Variants in RPA2 observed in about 807,000 individuals in gnomAD.
RPA2 encodes the protein replication protein A2.
Under a neutral mutation model 33.4 loss-of-function variants are expected in RPA2, and 22 were observed. The observed-to-expected ratio is 0.66, with a 90% CI of 0.47 to 0.94. The LOEUF (loss-of-function observed/expected upper bound fraction) is 0.94. Among genes scored for constraint, RPA2 ranks in the 40% least tolerant of loss-of-function variants. RPA2 has a pLI of 0.00. For missense variants in RPA2, 279 were observed against 329.9 expected, an observed-to-expected ratio of 0.85 and a Z score of 1.19; for synonymous variants, 109 against 114.9, an observed-to-expected ratio of 0.95 and a Z score of 0.33.
At chr1:27,913,928 A>C (rs1267219736) in intron 2 of RPA2, 135 bp downstream of exon 2, 11 of 844,784 alleles carry the variant, frequency 1.3e-5, no homozygotes, top group Non-Finnish European at 1.9e-5. Context: ...TAATTATAAG[A>C]GATGCAGATA....
At chr1:27,900,796 C>T (rs1387380270) in intron 4 of RPA2, among the ~76,000 whole-genome samples, 2 of 152,056 alleles carry the variant, frequency 1.3e-5, no homozygotes, top group Admixed American at 1.3e-4. Context: ...TCCCGAGTAG[C>T]CAGGATTACA....
intron 8 of RPA2, 109 bp downstream of exon 8, chr1:27,893,903 C>T (rs892788801): frequency 1.0e-5 from 9 of 883,762 alleles, no homozygotes; most frequent in Non-Finnish European, 1.6e-5. Flanking sequence ...GCCACCATGC[C>T]CGGCTGCCAA....
chr1:27,896,328 T>A (rs1375330741), intron 6 of RPA2, among the ~76,000 whole-genome samples: 2 of 151,940 alleles, frequency 1.3e-5, no homozygotes, highest in Non-Finnish European at 2.9e-5. Flanking sequence ...AAGTAGCCCA[T>A]CTAATTCTTT....
chr1:27,897,727 T>C lies in RPA2; in HGVS notation c.334-20A>G, dbSNP rs1324325982. On this transcript the variant is annotated intron_variant, in intron 4 of 8. Transcript: ENST00000373912. ...GGTGTCCTAACATAAAATACAAACA[T>C]GTCATTAAAGTTTTAGTGATGCTGG... 1 of 1,550,896 alleles carries C rather than the reference T, an allele frequency of 6.4e-7. No individual in the cohort carries two copies. Among genetic ancestry groups the C allele is most frequent in the Non-Finnish European group, 8.7e-7 (1 of 1,143,538 alleles).
intron 2 of RPA2, among the ~76,000 whole-genome samples, chr1:27,911,471 A>C (rs758781461): frequency 4.5e-4 from 68 of 152,238 alleles, no homozygotes; most frequent in Non-Finnish European, 8.7e-4. Flanking sequence ...GATAAAAATT[A>C]TAATAACCAG....
intron 2 of RPA2, among the ~76,000 whole-genome samples, chr1:27,910,959 T>C (rs2090088783): frequency 6.6e-6 from 1 of 152,168 alleles, no homozygotes; most frequent in Non-Finnish European, 1.5e-5. Context: ...CTCATACCTG[T>C]AATCCCAACA....
Position 27,897,283 on chromosome 1 carries a change from A to G in RPA2, c.409-162T>C, listed in dbSNP as rs557792440. ...TCCAAATATGGTCAAACATGAGGAG[A>G]AAAAAAACTAAAACTAATAGCTAAG... is the stretch of plus-strand genomic sequence containing the variant. On this transcript the variant is annotated intron_variant, in intron 5 of 8. Coordinates refer to ENST00000373912, the MANE Select transcript of RPA2 (RefSeq NM_002946.5). 2.0e-5 allele frequency among the ~76,000 whole-genome samples: 3 copies of G among 151,276 alleles called. No individual in the cohort carries two copies. The South Asian group carries it at 6.4e-4, about 32-fold the overall frequency.
In RPA2 at chr1:27,914,100, A is replaced by T. The variant is rs369007762; in HGVS notation, c.80T>A (p.Phe27Tyr). ...GGCTTGAGAAGGTGCGGGCGATCCA[A>T]AGCCCCCCGGGGACTGCGTGTAGCC... is the stretch of plus-strand genomic sequence containing the variant. ...AGGYTQSPGG[F>Y]GSPAPSQAEK... The change falls in exon 2 of 9, where the codon TTT becomes TAT. Residue 27 changes from phenylalanine to tyrosine, a missense_variant. Transcript: ENST00000373912. 1 of 1,604,044 alleles carries T rather than the reference A, an allele frequency of 6.2e-7. No individual in the cohort carries two copies. Among genetic ancestry groups the T allele is most frequent in the Non-Finnish European group, 8.5e-7 (1 of 1,176,636 alleles).
intron 6 of RPA2, among the ~76,000 whole-genome samples, chr1:27,896,045 A>C (rs1414833470): frequency 6.6e-6 from 1 of 151,254 alleles, no homozygotes; most frequent in African/African-American, 2.4e-5. Context: ...ACTTCAGAGC[A>C]CCTATATAAC....
chr1:27,904,957 C>T (rs2090010424), intron 4 of RPA2, among the ~76,000 whole-genome samples: 1 of 152,010 alleles, frequency 6.6e-6, no homozygotes, highest in South Asian at 2.1e-4. Flanking sequence ...CAGCCTAAAA[C>T]AGTCTTTATT....
At chr1:27,892,679 GAAACACTC>G (rs2089839532) in intron 8 of RPA2, among the ~76,000 whole-genome samples, 4 of 152,172 alleles carry the variant, frequency 2.6e-5, no homozygotes, top group Admixed American at 2.6e-4. Context: ...GGAAGCAAAG[GAAACACTC>G]TGAAACCTTC....
Position 27,907,146 on chromosome 1 carries a change from G to A in RPA2, c.219+35C>T. ...GAAGTCTTATTTCATTCTTTATTAT[G>A]AGTAAGTGATTCTTTCACAAATTAT... On this transcript the variant is annotated intron_variant, in intron 3 of 8. Transcript: ENST00000373912. The A allele has an allele frequency of 2.5e-6, 4 of 1,591,770 alleles. No homozygotes were observed. The East Asian group carries it at 6.7e-5, about 27-fold the overall frequency.
At chr1:27,902,182 G>A (rs1282215335) in intron 4 of RPA2, among the ~76,000 whole-genome samples, 2 of 151,960 alleles carry the variant, frequency 1.3e-5, no homozygotes, top group African/African-American at 4.8e-5. Flanking sequence ...CATCTCCCAG[G>A]CTCAAGCAAT....
chr1:27,909,815 C>T (rs2090075882), intron 2 of RPA2, among the ~76,000 whole-genome samples: 1 of 152,018 alleles, frequency 6.6e-6, no homozygotes, highest in Non-Finnish European at 1.5e-5. Flanking sequence ...ATAAAAATTA[C>T]ATGGTAAAGG....
intron 4 of RPA2, among the ~76,000 whole-genome samples, chr1:27,900,488 G>A (rs901801425): frequency 1.3e-5 from 2 of 149,470 alleles, no homozygotes; most frequent in African/African-American, 2.5e-5. Context: ...ATAAGGTCTC[G>A]CTCTGTCACC....
chr1:27,902,950 G>A (rs2089984941), intron 4 of RPA2, among the ~76,000 whole-genome samples: 1 of 152,040 alleles, frequency 6.6e-6, no homozygotes, highest in African/African-American at 2.4e-5. Flanking sequence ...ATTTTTTTGA[G>A]ATGGAGTTTT....
chr1:27,896,127 G>A (rs2089888221), intron 6 of RPA2, among the ~76,000 whole-genome samples: 2 of 152,076 alleles, frequency 1.3e-5, no homozygotes, highest in African/African-American at 4.8e-5. Context: ...AGTGTTCACT[G>A]CTATACTCGA....
At chr1:27,914,204 G>A in intron 1 of RPA2, 35 bp from the exon 2 acceptor site, 1 of 1,612,442 alleles carries the variant, frequency 6.2e-7, no homozygotes, top group East Asian at 2.2e-5. Flanking sequence ...CCTGTGCCAC[G>A]TCCCACGCCT....
At chr1:27,901,011 G>T (rs1051585327) in intron 4 of RPA2, among the ~76,000 whole-genome samples, 1 of 152,176 alleles carries the variant, frequency 6.6e-6, no homozygotes, top group Non-Finnish European at 1.5e-5. Flanking sequence ...TGTGAACATT[G>T]TTAAAACGAC....
Sources: allele counts gnomAD v4.1 joint callset (sites outside exome capture counted in the v4.1 genomes callset), GRCh38; gene constraint gnomAD v4.1.1; transcripts MANE v1.5; gene names NCBI Gene and HGNC (gene_info 2026-07-23, HGNC 2026-07-21).